The following DST variants were observed in gnomAD, a reference collection of about 807,000 sequenced individuals.
DST encodes the protein dystonin.
A neutral mutation model predicts 875.2 loss-of-function variants in DST; 253 were observed. The ratio of observed to expected loss-of-function variants is 0.29; its 90% CI spans 0.26 to 0.32. The LOEUF is 0.32. DST is among the 10% of genes least tolerant of loss of function. The pLI is 1.00. For synonymous variants in DST, 3,124 were observed against 3,197.1 expected (o/e 0.98, Z 0.77); for missense variants, 8,287 against 9,111.6 (o/e 0.91, Z 3.68).
chr6:56,786,019 T>C (rs1454911436), intron 4 of DST: 3 of 152,254 alleles, frequency 2.0e-5, no homozygotes, highest in Non-Finnish European at 4.4e-5. Flanking sequence ...CATTGTATTA[T>C]AGTTAACTCT....
At chr6:56,876,531 G>A (rs1003262430) in intron 3 of DST, among the ~76,000 whole-genome samples, 1 of 152,094 alleles carries the variant, frequency 6.6e-6, no homozygotes, top group African/African-American at 2.4e-5. Flanking sequence ...TCTTCATCAA[G>A]CCTCATGATG....
chr6:56,916,584 T>A (rs946964439), intron 2 of DST, among the ~76,000 whole-genome samples: 1 of 151,908 alleles, frequency 6.6e-6, no homozygotes, highest in Non-Finnish European at 1.5e-5. Context: ...AGACCCTGTC[T>A]CTACCAAAAA....
At chr6:56,634,416 A>T (rs2098808606) in intron 26 of DST, 46 bp downstream of exon 26, 1 of 1,611,102 alleles carries the variant, frequency 6.2e-7, no homozygotes, top group African/African-American at 1.3e-5. Flanking sequence ...CAACCTTCAG[A>T]GGGCCCCCAA....
intron 2 of DST, among the ~76,000 whole-genome samples, chr6:56,935,157 C>A (rs1422482894): frequency 6.6e-6 from 1 of 152,158 alleles, no homozygotes; most frequent in Non-Finnish European, 1.5e-5. Flanking sequence ...TGTAATATAG[C>A]AGTAGCCAGC....
At position 56,839,661 on chromosome 6, in the gene DST, G is replaced by A. The variant is rs115975330; in HGVS notation, c.625+11736C>T. Among the ~76,000 whole-genome samples, 835 of 152,172 alleles carry A rather than the reference G, an allele frequency of 5.5e-3. 6 individuals are homozygous for A. The highest frequency in any genetic ancestry group is 0.019 in the African/African-American group (787 of 41,518). On this transcript the variant is annotated intron_variant, in intron 4 of 103. Transcript: ENST00000680361. ...TTCAATTCAAGGGAGTGTCAGAGCC[G>A]ATTTACAGAGTAAAATGACAGAATT...
At chr6:56,692,718 A>G in intron 9 of DST, 1 of 1,289,564 alleles carries the variant, frequency 7.8e-7, no homozygotes, top group Non-Finnish European at 1.0e-6. Flanking sequence ...CTTTTTCTGA[A>G]ATCCTTTCAT....
rs1157837271 is a variant in DST, at chr6:56,603,191, C to A, written c.11157+14G>T. On this transcript the variant is annotated intron_variant, in intron 42 of 103. Coordinates refer to ENST00000680361, the MANE Select transcript of DST (RefSeq NM_001374736.1). ...TTTTCTTCATAAATCAAAATTTTGA[C>A]ATTTTATGCCTACCATTTCAGAGTC... 6.3e-6 allele frequency: 10 copies of A among 1,577,876 alleles called. No homozygotes were observed. The highest frequency in any genetic ancestry group is 8.6e-6 in the Non-Finnish European group (10 of 1,162,002).
At chr6:56,791,476 T>C (rs989493945) in intron 4 of DST, among the ~76,000 whole-genome samples, 9 of 152,124 alleles carry the variant, frequency 5.9e-5, no homozygotes, top group Non-Finnish European at 1.2e-4. Flanking sequence ...ATATCAGTAA[T>C]AAATGTATGA....
At chr6:56,952,972 TTAAC>T (rs1384258443) in intron 2 of DST, among the ~76,000 whole-genome samples, 2 of 152,200 alleles carry the variant, frequency 1.3e-5, no homozygotes, top group African/African-American at 2.4e-5. Context: ...AAATATCTGA[TTAAC>T]TAATGAAATG....
chr6:56,560,272 T>C (rs752152672), intron 58 of DST, 22 bp downstream of exon 58: 9 of 1,558,808 alleles, frequency 5.8e-6, no homozygotes, highest in Non-Finnish European at 7.8e-6. Context: ...TCATAGGCAT[T>C]CATCTAAGTA....
At chr6:56,740,459 G>T (rs1168263753) in intron 4 of DST, among the ~76,000 whole-genome samples, 1 of 152,222 alleles carries the variant, frequency 6.6e-6, no homozygotes, top group Non-Finnish European at 1.5e-5. Context: ...AGGGCAGTCA[G>T]GTGGGGCTTA....
chr6:56,601,013 T>G (rs571428032), intron 44 of DST, among the ~76,000 whole-genome samples: 1 of 152,120 alleles, frequency 6.6e-6, no homozygotes, highest in South Asian at 2.1e-4. Context: ...TTGCCCTAGT[T>G]CACAGAATGA....
chr6:56,752,279 C>T (rs1589649063), intron 4 of DST, among the ~76,000 whole-genome samples: 1 of 151,980 alleles, frequency 6.6e-6, no homozygotes, highest in South Asian at 2.1e-4. Context: ...ATGGTAAGTG[C>T]TATGACAGAA....
chr6:56,788,288 C>T lies in DST; in HGVS notation c.626-52999G>A, dbSNP rs555889327. ...CACGATCTCTGCTCACTGCAGCCTC[C>T]GCCTCCCAGTTCAAGCAATTATCCT... is the stretch of plus-strand genomic sequence containing the variant. On this transcript the variant is annotated intron_variant, in intron 4 of 103. Coordinates refer to ENST00000680361, the MANE Select transcript of DST (RefSeq NM_001374736.1). 3.3e-5 allele frequency among the ~76,000 whole-genome samples: 5 copies of T among 151,568 alleles called. No homozygotes were observed. In the East Asian group the frequency reaches 9.8e-4, roughly 30 times the overall value.
At chr6:56,910,350 G>T (rs1798313613) in intron 2 of DST, among the ~76,000 whole-genome samples, 1 of 152,110 alleles carries the variant, frequency 6.6e-6, no homozygotes. Context: ...AAAGAGACAA[G>T]GTCTCACATG....
intron 69 of DST, among the ~76,000 whole-genome samples, chr6:56,525,242 AT>A (rs1383435767): frequency 1.3e-5 from 2 of 152,204 alleles, no homozygotes; most frequent in Non-Finnish European, 2.9e-5. Context: ...AGTGAAAAAA[AT>A]ATATTTTTCA....
At position 56,893,087 on chromosome 6, in the gene DST, T is replaced by C. The variant is rs7773931; in HGVS notation, c.417+7334A>G. ...AGTTCTTTAGTGGTGATTTGTGAGATTTTGGTGCACCCATCACCCAAGCAG... is the reference window on the plus strand; with the variant it reads ...AGTTCTTTAGTGGTGATTTGTGAGACTTTGGTGCACCCATCACCCAAGCAG... On this transcript the variant is annotated intron_variant, in intron 3 of 103. Coordinates refer to ENST00000680361, the MANE Select transcript of DST (RefSeq NM_001374736.1). Among the ~76,000 whole-genome samples, 1,383 of 152,288 alleles carry C rather than the reference T, an allele frequency of 9.1e-3. 22 individuals carry two copies. The highest frequency in any genetic ancestry group is 0.031 in the African/African-American group (1,295 of 41,558).
At position 56,493,054 on chromosome 6, in the gene DST, C is replaced by T; in HGVS notation, c.20430G>A (p.Glu6810=). ...TGAAGTCTTGGAGAGAATTGTGGAACTCCATTGCCAAGTTGAGAGCCTCTT... is the reference window on the plus strand; with the variant it reads ...TGAAGTCTTGGAGAGAATTGTGGAATTCCATTGCCAAGTTGAGAGCCTCTT... The part of the protein sequence containing the change: ...KLEEALNLAM[E]FHNSLQDFIN... The change falls in exon 84 of 104, where the codon GAG becomes GAA. Residue 6810 remains glutamate (E), a synonymous_variant. Transcript: ENST00000680361. The T allele has an allele frequency of 6.2e-7, 1 of 1,612,400 alleles. No individual in the cohort carries two copies. The highest frequency in any genetic ancestry group is 8.5e-7 in the Non-Finnish European group (1 of 1,179,186).
chr6:56,873,980 A>C (rs1778527159), intron 3 of DST, among the ~76,000 whole-genome samples: 1 of 152,184 alleles, frequency 6.6e-6, no homozygotes, highest in Admixed American at 6.5e-5. Flanking sequence ...TCAGTGGTGC[A>C]TAACTATAGT....
Sources: allele counts gnomAD v4.1 joint callset (sites outside exome capture counted in the v4.1 genomes callset), GRCh38; gene constraint gnomAD v4.1.1; transcripts MANE v1.5; gene names NCBI Gene and HGNC (gene_info 2026-07-23, HGNC 2026-07-21).